The following PRKCE variants were observed in gnomAD, a reference collection of about 807,000 sequenced individuals.
PRKCE encodes the protein protein kinase C epsilon.
A neutral mutation model predicts 85.4 loss-of-function variants in PRKCE; 16 were observed. The ratio of observed to expected loss-of-function variants is 0.19; its 90% CI spans 0.13 to 0.28. The LOEUF (loss-of-function observed/expected upper bound fraction) is 0.28. PRKCE is among the 10% of genes least tolerant of loss of function. The pLI is 1.00. For missense variants in PRKCE, 573 were observed against 975.2 expected (o/e 0.59, Z 5.49); for synonymous variants, 388 against 371.5 (o/e 1.04, Z -0.51).
chr2:45,741,756 TTA>T (rs1682595557), intron 1 of PRKCE, among the ~76,000 whole-genome samples: 1 of 152,134 alleles, frequency 6.6e-6, no homozygotes. Context: ...CTGTGCTGGA[TTA>T]CCCAGGAAAG....
chr2:46,085,870 G>A (rs1430143481), intron 10 of PRKCE, among the ~76,000 whole-genome samples: 1 of 150,732 alleles, frequency 6.6e-6, no homozygotes, highest in Admixed American at 6.6e-5. Context: ...GACAACTGGA[G>A]CCCCAAAAGG....
chr2:46,136,985 A>C (rs1377839830), intron 11 of PRKCE, among the ~76,000 whole-genome samples: 3 of 152,236 alleles, frequency 2.0e-5, no homozygotes, highest in Non-Finnish European at 2.9e-5. Context: ...ATTTTTCAAA[A>C]ATAAAAGGAG....
chr2:46,147,359 G>C (rs1191496450), intron 12 of PRKCE, among the ~76,000 whole-genome samples: 1 of 152,164 alleles, frequency 6.6e-6, no homozygotes, highest in Non-Finnish European at 1.5e-5. Flanking sequence ...AGAATACTCA[G>C]TTCCAGTTCC....
intron 11 of PRKCE, among the ~76,000 whole-genome samples, chr2:46,092,681 C>G (rs939912064): frequency 8.5e-5 from 13 of 152,118 alleles, no homozygotes; most frequent in African/African-American, 3.1e-4. Flanking sequence ...AGGGGCTTTC[C>G]TAGAAGAAGC....
intron 11 of PRKCE, among the ~76,000 whole-genome samples, chr2:46,090,381 A>G (rs1670049335): frequency 6.6e-6 from 1 of 152,036 alleles, no homozygotes; most frequent in African/African-American, 2.4e-5. Context: ...GCAACATGAC[A>G]GTCTCTTTAT....
intron 1 of PRKCE, chr2:45,676,331 T>C (rs1283590265): frequency 6.6e-6 from 1 of 152,212 alleles, no homozygotes; most frequent in African/African-American, 2.4e-5. Context: ...ATTCTAGTGA[T>C]TGAAGTGTTG....
intron 6 of PRKCE, among the ~76,000 whole-genome samples, chr2:45,988,302 G>C (rs184325785): frequency 1.3e-5 from 2 of 152,202 alleles, no homozygotes; most frequent in African/African-American, 4.8e-5. Context: ...TTGGGTCTAC[G>C]AGGAGGGATC....
intron 3 of PRKCE, 141 bp downstream of exon 3, chr2:45,976,729 T>G: frequency 9.4e-7 from 1 of 1,065,346 alleles, no homozygotes; most frequent in Non-Finnish European, 1.3e-6. Context: ...GGGACTATTA[T>G]GGAAGGCTAA....
At chr2:45,789,321 T>C (rs1686855022) in intron 1 of PRKCE, among the ~76,000 whole-genome samples, 1 of 152,230 alleles carries the variant, frequency 6.6e-6, no homozygotes, top group Non-Finnish European at 1.5e-5. Flanking sequence ...GACCATATTA[T>C]TTAATACATT....
intron 1 of PRKCE, among the ~76,000 whole-genome samples, chr2:45,788,400 A>G (rs1479986630): frequency 1.3e-5 from 2 of 152,180 alleles, no homozygotes; most frequent in African/African-American, 4.8e-5. Flanking sequence ...GCCATTCTGG[A>G]TACATCAAGG....
chr2:46,024,482 G>A (rs1275213039), intron 10 of PRKCE, among the ~76,000 whole-genome samples: 1 of 152,154 alleles, frequency 6.6e-6, no homozygotes, highest in African/African-American at 2.4e-5. Flanking sequence ...TAATTCCTTT[G>A]TTGGGTCAGT....
chr2:45,894,643 A>G (rs1288164433), intron 2 of PRKCE, among the ~76,000 whole-genome samples: 3 of 152,050 alleles, frequency 2.0e-5, no homozygotes, highest in Admixed American at 2.0e-4. Flanking sequence ...AACATTCTCC[A>G]TGATGCCTGG....
At chr2:45,762,638 C>A (rs140518308) in intron 1 of PRKCE, among the ~76,000 whole-genome samples, 218 of 152,334 alleles carry the variant, frequency 1.4e-3, no homozygotes, top group Middle Eastern at 3.4e-3. Flanking sequence ...AGTGATTCTT[C>A]CCAGACCAGC....
chr2:45,824,928 A>C (rs945146343), intron 1 of PRKCE, among the ~76,000 whole-genome samples: 1 of 152,182 alleles, frequency 6.6e-6, no homozygotes, highest in African/African-American at 2.4e-5. Context: ...GGGCCAAGAA[A>C]GCTGCAGTCA....
Position 46,041,167 on chromosome 2 carries a change from A to G in PRKCE, c.1437+30650A>G, listed in dbSNP as rs1445292425. The stretch of plus-strand genomic sequence containing the variant: ...AGGGATGCAGTCTCCAGTTTTTCTC[A>G]TATTTGTACCAGTTGTTAAGCCATA... On this transcript the variant is annotated intron_variant, in intron 10 of 14. Coordinates refer to ENST00000306156, the MANE Select transcript of PRKCE (RefSeq NM_005400.3). The surrounding 1 kb of genome is among the most constrained non-coding windows in gnomAD (Gnocchi z 5.5). 6.6e-6 allele frequency among the ~76,000 whole-genome samples: 1 copy of G among 152,234 alleles called. No individual in the cohort carries two copies. Among genetic ancestry groups the G allele is most frequent in the Non-Finnish European group, 1.5e-5 (1 of 68,038 alleles).
chr2:45,768,859 C>T (rs532372046), intron 1 of PRKCE, among the ~76,000 whole-genome samples: 1 of 152,320 alleles, frequency 6.6e-6, no homozygotes, highest in Admixed American at 6.5e-5. Flanking sequence ...TGTGTCTCCA[C>T]CTTGCAGTAG....
At chr2:46,006,322 TA>T (rs1235027762) in intron 8 of PRKCE, among the ~76,000 whole-genome samples, 1 of 152,232 alleles carries the variant, frequency 6.6e-6, no homozygotes, top group African/African-American at 2.4e-5. Flanking sequence ...GATTAAAAGT[TA>T]TTTAGTCAAG....
intron 14 of PRKCE, among the ~76,000 whole-genome samples, chr2:46,178,932 C>T (rs938868580): frequency 1.3e-5 from 2 of 152,028 alleles, no homozygotes; most frequent in Non-Finnish European, 2.9e-5. Flanking sequence ...ACTGGAGTTA[C>T]GGAAGTCATA....
chr2:45,836,625 G>T (rs1047014632), intron 1 of PRKCE, among the ~76,000 whole-genome samples: 3 of 152,160 alleles, frequency 2.0e-5, no homozygotes, highest in African/African-American at 7.2e-5. Context: ...CAGGGGAGAG[G>T]GGGCATCAGT....
Sources: allele counts gnomAD v4.1 joint callset (sites outside exome capture counted in the v4.1 genomes callset), GRCh38; gene constraint gnomAD v4.1.1; non-coding constraint Gnocchi (gnomAD v3.1); transcripts MANE v1.5; gene names NCBI Gene and HGNC (gene_info 2026-07-23, HGNC 2026-07-21).